The following VDR variants were observed in gnomAD, a reference collection of about 807,000 sequenced individuals.
The protein encoded by VDR is vitamin D receptor.
A neutral mutation model predicts 39.7 loss-of-function variants in VDR; 19 were observed. That is an observed-to-expected ratio of 0.48 (90% CI 0.33 to 0.70). The LOEUF is 0.70. Among genes scored for constraint, VDR ranks in the 30% least tolerant of loss-of-function variants. The pLI, the probability that VDR is intolerant of heterozygous loss-of-function variation, is 0.02. For missense variants in VDR, 442 were observed against 570.5 expected (o/e 0.77, Z 2.29); for synonymous variants, 242 against 215.8 (o/e 1.12, Z -1.07).
Position 47,878,954 on chromosome 12 carries a change from G to T in VDR, c.146+14C>A, listed in dbSNP as rs1946073334. The stretch of plus-strand genomic sequence containing the variant: ...CTCCCTTTCCACTGGGGAGAGCCTG[G>T]GAGGAGGGCTCACCTGAAGAAGCCT... On this transcript the variant is annotated intron_variant, in intron 3 of 9. Coordinates refer to ENST00000549336, the MANE Select transcript of VDR (RefSeq NM_000376.3). 6.2e-7 allele frequency: 1 copy of T among 1,614,032 alleles called. No individual in the cohort carries two copies. The highest frequency in any genetic ancestry group is 1.1e-5 in the South Asian group (1 of 91,082).
In VDR at chr12:47,865,036, T is replaced by G; in HGVS notation, c.277+11A>C. The G allele has an allele frequency of 6.2e-7, 1 of 1,612,344 alleles. No homozygotes were observed. Among genetic ancestry groups the G allele is most frequent in the South Asian group, 1.1e-5 (1 of 91,052 alleles). On this transcript the variant is annotated intron_variant, in intron 4 of 9. Transcript: ENST00000549336. Reference sequence around the variant, plus strand: ...TCAGGCCCAAACCCTGCCCAGCCCCTGGACACTCACACTCCTTCATCATGC... The same window carrying G: ...TCAGGCCCAAACCCTGCCCAGCCCCGGGACACTCACACTCCTTCATCATGC...
intron 7 of VDR, among the ~76,000 whole-genome samples, chr12:47,852,360 G>T (rs563007097): frequency 8.1e-4 from 123 of 152,352 alleles, no homozygotes; most frequent in African/African-American, 3.0e-3. Flanking sequence ...CAAGACTTTG[G>T]AATATGTGGA....
At chr12:47,903,502 C>T (rs1946606545) in intron 1 of VDR, among the ~76,000 whole-genome samples, 1 of 152,206 alleles carries the variant, frequency 6.6e-6, no homozygotes, top group Non-Finnish European at 1.5e-5. Flanking sequence ...TCACAGTTCC[C>T]TCCAGCACTT....
At chr12:47,899,795 G>T in intron 1 of VDR, 1 of 681,310 alleles carries the variant, frequency 1.5e-6, no homozygotes, top group Non-Finnish European at 1.8e-6. Flanking sequence ...TTTAGACCTT[G>T]GTTTCCCCAC....
intron 7 of VDR, among the ~76,000 whole-genome samples, chr12:47,854,350 C>T (rs1438982682): frequency 6.6e-6 from 1 of 151,926 alleles, no homozygotes; most frequent in Non-Finnish European, 1.5e-5. Flanking sequence ...TGGTCTGGAA[C>T]TCCTGGGCTG....
intron 7 of VDR, among the ~76,000 whole-genome samples, chr12:47,853,343 T>G (rs1373421881): frequency 6.6e-6 from 1 of 151,170 alleles, no homozygotes; most frequent in Non-Finnish European, 1.5e-5. Flanking sequence ...CTCGGGAGAC[T>G]GAGGCAGGAG....
chr12:47,894,837 T>G (rs1056822318), intron 1 of VDR, among the ~76,000 whole-genome samples: 1 of 152,110 alleles, frequency 6.6e-6, no homozygotes, highest in Non-Finnish European at 1.5e-5. Context: ...TTTATAGAGG[T>G]GGGACCCTAG....
At chr12:47,873,144 G>A (rs1313149801) in intron 3 of VDR, among the ~76,000 whole-genome samples, 1 of 152,126 alleles carries the variant, frequency 6.6e-6, no homozygotes, top group Non-Finnish European at 1.5e-5. Flanking sequence ...CATGGGGACA[G>A]ATTTCCCCCT....
In VDR at chr12:47,878,928, C is replaced by T. The variant is rs1175593041; in HGVS notation, c.146+40G>A. 1.9e-6 allele frequency: 3 copies of T among 1,613,900 alleles called. No individual in the cohort carries two copies. The African/African-American group carries it at 4.0e-5, about 22-fold the overall frequency. ...TCATGGAAACACCTTGCTTCTTCTC[C>T]CTCCCTTTCCACTGGGGAGAGCCTG... On this transcript the variant is annotated intron_variant, in intron 3 of 9. Coordinates refer to ENST00000549336, the MANE Select transcript of VDR (RefSeq NM_000376.3).
intron 3 of VDR, among the ~76,000 whole-genome samples, chr12:47,877,393 C>A (rs1396825708): frequency 6.6e-6 from 1 of 152,126 alleles, no homozygotes. Context: ...TTTCAAAGCA[C>A]TTTTTTACAT....
chr12:47,873,338 T>C (rs1945924535), intron 3 of VDR, among the ~76,000 whole-genome samples: 1 of 144,482 alleles, frequency 6.9e-6, no homozygotes, highest in Admixed American at 7.2e-5. Flanking sequence ...CATGAGTCAA[T>C]TAAACCTGTT....
At chr12:47,897,837 C>T (rs548838840) in intron 1 of VDR, among the ~76,000 whole-genome samples, 7 of 152,182 alleles carry the variant, frequency 4.6e-5, no homozygotes, top group Non-Finnish European at 8.8e-5. Flanking sequence ...CTAAACTTCA[C>T]CCCATCTCAC....
chr12:47,850,676 G>A (rs1483950896), intron 7 of VDR, among the ~76,000 whole-genome samples: 1 of 152,098 alleles, frequency 6.6e-6, no homozygotes. Context: ...GGAGTTACAG[G>A]GGAAGCCATA....
In VDR at chr12:47,860,993, C is replaced by G. The variant is rs971076554; in HGVS notation, c.278-3305G>C. The stretch of plus-strand genomic sequence containing the variant: ...TCATGACAACCCTTTAAGGCAGGTG[C>G]TGTTGTTATTCCCATTTAGCAGATG... On this transcript the variant is annotated intron_variant, in intron 4 of 9. Coordinates refer to ENST00000549336, the MANE Select transcript of VDR (RefSeq NM_000376.3). Among the ~76,000 whole-genome samples, 12 of 152,322 alleles carry G rather than the reference C, an allele frequency of 7.9e-5. No individual in the cohort carries two copies. In the East Asian group the frequency reaches 2.3e-3, roughly 29 times the overall value.
rs528974477 is a variant in VDR at position 47,845,598 on chromosome 12, T to C, written c.1025-593A>G. ...CATGGGAGAGGAGCCTGTGTCCCAT[T>C]TGCTGCTGAACCCCAGTACCTAGCA... is the stretch of plus-strand genomic sequence containing the variant. On this transcript the variant is annotated intron_variant, in intron 9 of 9. Coordinates refer to ENST00000549336, the MANE Select transcript of VDR (RefSeq NM_000376.3). Among the ~76,000 whole-genome samples the C allele has an allele frequency of 3.3e-5, 5 of 152,314 alleles. No individual in the cohort carries two copies. The East Asian group carries it at 5.8e-4, about 18-fold the overall frequency.
intron 1 of VDR, among the ~76,000 whole-genome samples, chr12:47,891,578 T>C (rs1940649446): frequency 6.6e-6 from 1 of 152,128 alleles, no homozygotes; most frequent in South Asian, 2.1e-4. Context: ...TAAAACTCTT[T>C]CAAAACTTCT....
chr12:47,846,237 G>A (rs1225219361), intron 9 of VDR, 98 bp downstream of exon 9: 51 of 988,930 alleles, frequency 5.2e-5, no homozygotes, highest in South Asian at 2.1e-4. Context: ...CTTTTGCTAC[G>A]TCTCCCTTCA....
At chr12:47,867,741 C>T (rs1945766826) in intron 3 of VDR, among the ~76,000 whole-genome samples, 1 of 152,232 alleles carries the variant, frequency 6.6e-6, no homozygotes, top group Non-Finnish European at 1.5e-5. Flanking sequence ...AGCCCAGGCC[C>T]AACCATTTCC....
chr12:47,846,922 G>T, intron 7 of VDR, 114 bp from the exon 8 acceptor site: 4 of 1,264,220 alleles, frequency 3.2e-6, no homozygotes, highest in African/African-American at 2.9e-5. Flanking sequence ...TGCACCCTGG[G>T]TCTTTCATCG....
Sources: allele counts gnomAD v4.1 joint callset (sites outside exome capture counted in the v4.1 genomes callset), GRCh38; gene constraint gnomAD v4.1.1; transcripts MANE v1.5; gene names NCBI Gene and HGNC (gene_info 2026-07-23, HGNC 2026-07-21).